Variants in PIK3C2A observed in about 807,000 individuals in gnomAD.
PIK3C2A encodes phosphatidylinositol-4-phosphate 3-kinase catalytic subunit type 2 alpha.
PIK3C2A carries 97 observed loss-of-function variants against 204.5 expected under a neutral mutation model. That is an observed-to-expected ratio of 0.47 (90% confidence interval 0.40 to 0.56). PIK3C2A has a LOEUF of 0.56. Ranked by LOEUF, PIK3C2A falls within the 20% of genes least tolerant of loss-of-function variation. The pLI, the probability that PIK3C2A is intolerant of heterozygous loss-of-function variation, is 0.00. For synonymous variants in PIK3C2A, 653 were observed against 664.4 expected (o/e 0.98, Z 0.26); for missense variants, 1,735 against 1,969.2 (o/e 0.88, Z 2.25).
chr11:17,121,959 T>C (rs940278204), intron 15 of PIK3C2A, among the ~76,000 whole-genome samples: 15 of 151,558 alleles, frequency 9.9e-5, no homozygotes, highest in African/African-American at 1.7e-4. Flanking sequence ...AGTTATGTAG[T>C]CTTTTTATAT....
At chr11:17,162,988 TC>T (rs1850830181) in intron 2 of PIK3C2A, among the ~76,000 whole-genome samples, 2 of 152,204 alleles carry the variant, frequency 1.3e-5, no homozygotes, top group African/African-American at 4.8e-5. Context: ...AATTCTCAAT[TC>T]ACAGAAAAAA....
At chr11:17,096,396 G>C (rs1440562393) in intron 27 of PIK3C2A, among the ~76,000 whole-genome samples, 1 of 152,086 alleles carries the variant, frequency 6.6e-6, no homozygotes, top group Admixed American at 6.6e-5. Context: ...TGCCAAGTAG[G>C]ATCTATCTAT....
At chr11:17,154,685 A>G (rs1339137056) in intron 3 of PIK3C2A, among the ~76,000 whole-genome samples, 1 of 152,176 alleles carries the variant, frequency 6.6e-6, no homozygotes, top group East Asian at 1.9e-4. Flanking sequence ...TGAGACCATT[A>G]AATTGCATGG....
chr11:17,169,305 A>G lies in PIK3C2A; in HGVS notation c.437T>C (p.Leu146Ser). ...TIQRGQWPPG[L>S]PGPSTYALPS... ...TAAAGCATAAGTGGAAGGCCCAGGT[A>G]ATCCAGGTGGCCACTGTCCTCTCTG... The change falls in exon 2 of 33, where the codon TTA (leucine) becomes TCA (serine). Residue 146 changes from leucine to serine, a missense_variant. This residue lies in a region of PIK3C2A where 536 missense variants were observed against 546.7 expected (regional missense o/e 0.98). Transcript: ENST00000691414. 3 of 1,614,184 alleles carry G rather than the reference A, an allele frequency of 1.9e-6. No homozygotes were observed. Among genetic ancestry groups the G allele is most frequent in the Non-Finnish European group, 2.5e-6 (3 of 1,180,006 alleles).
chr11:17,183,487 C>G (rs1407504526), intron 1 of PIK3C2A, among the ~76,000 whole-genome samples: 1 of 151,848 alleles, frequency 6.6e-6, no homozygotes, highest in Non-Finnish European at 1.5e-5. Flanking sequence ...ACCAGCCTGG[C>G]CAACATGGTG....
intron 6 of PIK3C2A, among the ~76,000 whole-genome samples, chr11:17,146,443 T>C (rs1002158252): frequency 2.2e-4 from 33 of 152,240 alleles, no homozygotes; most frequent in African/African-American, 7.9e-4. Context: ...CAGGGCGCGG[T>C]GGCTCACGCC....
chr11:17,199,009 C>T (rs1430323245), intron 1 of PIK3C2A, among the ~76,000 whole-genome samples: 1 of 151,670 alleles, frequency 6.6e-6, no homozygotes. Flanking sequence ...ATCCCAGCTA[C>T]TTGGGAGGAT....
intron 1 of PIK3C2A, among the ~76,000 whole-genome samples, chr11:17,174,290 A>G (rs1851268012): frequency 1.5e-5 from 2 of 133,362 alleles, no homozygotes; most frequent in African/African-American, 5.7e-5. Flanking sequence ...AATTAGATGT[A>G]TTAAAACAAA....
chr11:17,154,268 G>C (rs766644661), intron 3 of PIK3C2A, among the ~76,000 whole-genome samples: 13 of 152,030 alleles, frequency 8.6e-5, no homozygotes, highest in Non-Finnish European at 1.6e-4. Flanking sequence ...GCCTGTCTGG[G>C]GAGAGTAACC....
intron 2 of PIK3C2A, among the ~76,000 whole-genome samples, chr11:17,157,511 G>C (rs572359057): frequency 6.6e-6 from 1 of 150,464 alleles, no homozygotes; most frequent in East Asian, 1.9e-4. Flanking sequence ...GCAGCCTCTT[G>C]GTCTGCAAAC....
intron 1 of PIK3C2A, among the ~76,000 whole-genome samples, chr11:17,178,755 C>A (rs1184550023): frequency 1.6e-5 from 2 of 128,910 alleles, no homozygotes; most frequent in African/African-American, 3.0e-5. Flanking sequence ...CGGAGTCTCG[C>A]TCTGTCGCCC....
At chr11:17,180,128 C>G (rs1851485114) in intron 1 of PIK3C2A, among the ~76,000 whole-genome samples, 1 of 151,620 alleles carries the variant, frequency 6.6e-6, no homozygotes, top group South Asian at 2.1e-4. Flanking sequence ...TACTATGCAT[C>G]AAGCACTGCT....
chr11:17,137,011 A>T (rs1849893697), intron 8 of PIK3C2A, among the ~76,000 whole-genome samples: 1 of 152,232 alleles, frequency 6.6e-6, no homozygotes, highest in African/African-American at 2.4e-5. Context: ...TCAAAAACCA[A>T]GTTCTTCAGA....
chr11:17,155,986 GC>G (rs1472080679), intron 2 of PIK3C2A, among the ~76,000 whole-genome samples: 1 of 152,078 alleles, frequency 6.6e-6, no homozygotes, highest in Non-Finnish European at 1.5e-5. Context: ...AAGAGATCAA[GC>G]CCATTTGGGA....
chr11:17,155,013 T>C (rs1383297971), intron 3 of PIK3C2A, among the ~76,000 whole-genome samples: 1 of 152,224 alleles, frequency 6.6e-6, no homozygotes. Flanking sequence ...AAGTAAAGTT[T>C]GTTAGGTTAC....
intron 3 of PIK3C2A, among the ~76,000 whole-genome samples, chr11:17,151,667 G>A (rs1001067767): frequency 3.3e-5 from 5 of 152,008 alleles, no homozygotes; most frequent in African/African-American, 9.7e-5. Flanking sequence ...TATAAACTGG[G>A]GGTAATACTA....
intron 15 of PIK3C2A, among the ~76,000 whole-genome samples, chr11:17,120,842 CT>C (rs2137344989): frequency 6.6e-6 from 1 of 152,238 alleles, no homozygotes; most frequent in South Asian, 2.1e-4. Flanking sequence ...TGGAGTCTCG[CT>C]CTGTCACCCA....
rs746961822 is a variant in PIK3C2A at position 17,169,549 on chromosome 11, C to T, written c.193G>A (p.Ala65Thr). 8.1e-6 allele frequency: 13 copies of T among 1,613,946 alleles called. No homozygotes were observed. The highest frequency in any genetic ancestry group is 1.7e-5 in the Admixed American group (1 of 59,978). Residue 65 changes from alanine (A) to threonine (T), a missense_variant, in exon 2 of 33, where the codon GCA becomes ACA. This residue lies in a region of PIK3C2A where 536 missense variants were observed against 546.7 expected (regional missense o/e 0.98). Coordinates refer to ENST00000691414, the MANE Select transcript of PIK3C2A (RefSeq NM_002645.4). ...TAATCCTGCTTGTTATAAACCTGTG[C>T]TTTTTTTCTGGTGCTGCTTGACAAC... is the stretch of plus-strand genomic sequence containing the variant. ...FELSSSTRKK[A>T]QVYNKQDYDL...
chr11:17,202,604 A>G (rs1852428358), intron 1 of PIK3C2A, among the ~76,000 whole-genome samples: 1 of 151,954 alleles, frequency 6.6e-6, no homozygotes, highest in African/African-American at 2.4e-5. Flanking sequence ...CACTGGGCCT[A>G]GCATTGTTAA....
Sources: gnomAD v4.1 joint callset for allele counts (sites outside exome capture counted in the v4.1 genomes callset) on GRCh38, gnomAD v4.1.1 for gene constraint, gnomAD v4.1.1 regional missense constraint, MANE v1.5 for transcripts, NCBI Gene and HGNC (gene_info 2026-07-23, HGNC 2026-07-21) for gene names.